PLA2G4E: variants seen among roughly 807,000 people sequenced by gnomAD.
PLA2G4E encodes phospholipase A2 group IVE, also known as cytosolic phospholipase A2 epsilon.
Under a neutral mutation model 109.1 loss-of-function variants are expected in PLA2G4E, and 84 were observed. The observed-to-expected ratio is 0.77, with a 90% confidence interval of 0.65 to 0.92. The LOEUF (loss-of-function observed/expected upper bound fraction) is 0.92. Ranked by LOEUF, PLA2G4E falls within the 40% of genes least tolerant of loss-of-function variation. The probability of loss-of-function intolerance (pLI) is 0.00; values close to 1 mark genes in which losing one functional copy is unlikely to be tolerated. For missense variants in PLA2G4E, 1,057 were observed against 1,076.6 expected (o/e 0.98, Z 0.25); for synonymous variants, 469 against 436.1 (o/e 1.08, Z -0.94).
intron 3 of PLA2G4E, 89 bp from the exon 4 acceptor site, chr15:42,006,210 G>A (rs2068475508): frequency 6.5e-7 from 1 of 1,536,746 alleles, no homozygotes; most frequent in Admixed American, 1.8e-5. Context: ...TCCTAGCAAG[G>A]AGGTAGGTCT....
chr15:42,005,567 T>A (rs959713477), intron 4 of PLA2G4E, among the ~76,000 whole-genome samples: 3 of 152,248 alleles, frequency 2.0e-5, no homozygotes, highest in Non-Finnish European at 4.4e-5. Flanking sequence ...CAGCTCTGAC[T>A]GTCTCTGATC....
intron 2 of PLA2G4E, among the ~76,000 whole-genome samples, chr15:42,012,814 G>A (rs1322339383): frequency 2.0e-5 from 3 of 152,192 alleles, no homozygotes; most frequent in South Asian, 2.1e-4. Context: ...CTAGCCTTTC[G>A]GGATCCCTGT....
In PLA2G4E at chr15:42,002,288, G is replaced by T. The variant is rs1029647362; in HGVS notation, c.609+366C>A. Among the ~76,000 whole-genome samples, 7 of 44,830 alleles carry T rather than the reference G, an allele frequency of 1.6e-4. No homozygotes were observed. The East Asian group carries it at 3.7e-3, about 24-fold the overall frequency. 29.4% of individuals were successfully genotyped at this position (44,830 alleles called of 152,430 possible). A position where few individuals can be genotyped will look rare whatever the true frequency, so the allele number is the denominator to read the frequency against. ...TCAAAAAAAAAAAAAAAAAAAAAAA[G>T]GTAAACTGTGCTTGTAGAATTACTG... On this transcript the variant is annotated intron_variant, in intron 6 of 19. Transcript: ENST00000399518.
At chr15:42,047,414 C>CACTTTTATAA (rs1407360251) in intron 1 of PLA2G4E, among the ~76,000 whole-genome samples, 1 of 152,036 alleles carries the variant, frequency 6.6e-6, no homozygotes, top group African/African-American at 2.4e-5. Flanking sequence ...CAACAGGGTG[C>CACTTTTATAA]AGAACTCACT....
rs562226145 is a variant in PLA2G4E at position 41,988,006 on chromosome 15, G to A, written c.1831+43C>T. The A allele has an allele frequency of 1.7e-4, 250 of 1,470,604 alleles. 1 individual carries two copies. In the South Asian group the frequency reaches 2.8e-3, roughly 17 times the overall value. 91.1% of individuals were successfully genotyped at this position (1,470,604 alleles called of 1,614,324 possible). On this transcript the variant is annotated intron_variant, in intron 16 of 19. Coordinates refer to ENST00000399518, the Ensembl canonical transcript of PLA2G4E. ...CACCCAGCCATGAGGGAAAGCCGGT[G>A]TCACCCATCACCCAGCCATGAGGGA... is the stretch of plus-strand genomic sequence containing the variant.
intron 17 of PLA2G4E, among the ~76,000 whole-genome samples, chr15:41,986,253 G>A (rs74010932): frequency 2.0e-5 from 3 of 152,330 alleles, no homozygotes; most frequent in African/African-American, 7.2e-5. Flanking sequence ...CATAAATAGT[G>A]TAAACCCTGG....
exon 19 of PLA2G4E, chr15:41,984,473 T>C (rs2068108171): frequency 6.2e-7 from 1 of 1,613,620 alleles, no homozygotes. Context: ...CATTGATGAG[T>C]GGGAAGAAAG....
chr15:41,998,889 C>G (rs553756234), intron 10 of PLA2G4E: 40 of 152,294 alleles, frequency 2.6e-4, no homozygotes, highest in African/African-American at 9.6e-4. Context: ...CCCGTCTCTA[C>G]TGAAAATACA....
chr15:42,047,507 C>G (rs1233408048), intron 1 of PLA2G4E, among the ~76,000 whole-genome samples: 1 of 152,192 alleles, frequency 6.6e-6, no homozygotes, highest in African/African-American at 2.4e-5. Flanking sequence ...GACCGAATCC[C>G]CTCCCAAATG....
chr15:41,990,888 C>T (rs951775882), intron 13 of PLA2G4E, among the ~76,000 whole-genome samples: 13 of 151,880 alleles, frequency 8.6e-5, no homozygotes, highest in East Asian at 1.9e-4. Context: ...CCACTGCAAA[C>T]GAGGCAGAAT....
exon 19 of PLA2G4E, chr15:41,984,525 T>C: frequency 6.2e-7 from 1 of 1,613,878 alleles, no homozygotes; most frequent in South Asian, 1.1e-5. Context: ...CTCCATCAGG[T>C]AGCATTCCTT....
At chr15:42,007,251 A>G (rs1479535466) in intron 3 of PLA2G4E, among the ~76,000 whole-genome samples, 1 of 152,216 alleles carries the variant, frequency 6.6e-6, no homozygotes, top group Non-Finnish European at 1.5e-5. Flanking sequence ...GAGTCATCAT[A>G]TATCTGAAGA....
At chr15:42,033,053 G>A (rs527532338) in intron 1 of PLA2G4E, among the ~76,000 whole-genome samples, 10 of 152,230 alleles carry the variant, frequency 6.6e-5, no homozygotes, top group African/African-American at 1.9e-4. Flanking sequence ...GTAAGTGTGC[G>A]AGTGTGTGTT....
chr15:42,006,863 A>G (rs1354383549), intron 3 of PLA2G4E, among the ~76,000 whole-genome samples: 1 of 152,180 alleles, frequency 6.6e-6, no homozygotes, highest in East Asian at 1.9e-4. Context: ...TGTAATTACT[A>G]GAAACACAGG....
intron 1 of PLA2G4E, among the ~76,000 whole-genome samples, chr15:42,030,722 CAAGT>C (rs1293927660): frequency 1.3e-5 from 2 of 152,198 alleles, no homozygotes; most frequent in Non-Finnish European, 2.9e-5. Context: ...CCCCTCAGCC[CAAGT>C]AACCACTCAT....
At chr15:42,035,221 A>G (rs1420191116) in intron 1 of PLA2G4E, among the ~76,000 whole-genome samples, 1 of 152,136 alleles carries the variant, frequency 6.6e-6, no homozygotes, top group African/African-American at 2.4e-5. Flanking sequence ...CCTCATTTCC[A>G]GGATTTGCTC....
chr15:41,999,391 C>A, intron 10 of PLA2G4E, 133 bp downstream of exon 10: 1 of 656,094 alleles, frequency 1.5e-6, no homozygotes, highest in Non-Finnish European at 2.7e-6. Context: ...AGATGATATG[C>A]CAGCCAGCCC....
intron 12 of PLA2G4E, 24 bp downstream of exon 12, chr15:41,995,336 A>C: frequency 1.2e-6 from 2 of 1,605,550 alleles, no homozygotes; most frequent in Non-Finnish European, 1.7e-6. Context: ...TGGGCTCCAC[A>C]GACAGTGGCT....
chr15:41,999,831 G>A lies in PLA2G4E; in HGVS notation c.936+86C>T, dbSNP rs78080054. ...ACCCTCACGAGTCACATTCTCTCTTGTACCTCCCCAGGCTCTCCCCACCTC... is the reference window on the plus strand; with the variant it reads ...ACCCTCACGAGTCACATTCTCTCTTATACCTCCCCAGGCTCTCCCCACCTC... On this transcript the variant is annotated intron_variant, in intron 9 of 19. Coordinates refer to ENST00000399518, the Ensembl canonical transcript of PLA2G4E. The A allele has an allele frequency of 1.5e-3, 2,166 of 1,397,420 alleles. 8 individuals carry two copies. Among genetic ancestry groups the A allele is most frequent in the African/African-American group, 0.015 (1,082 of 69,954 alleles). 86.6% of individuals were successfully genotyped at this position (1,397,420 alleles called of 1,614,324 possible).
Sources: gnomAD v4.1 joint callset for allele counts (sites outside exome capture counted in the v4.1 genomes callset) on GRCh38, gnomAD v4.1.1 for gene constraint, MANE v1.5 for transcripts, NCBI Gene and HGNC (gene_info 2026-07-23, HGNC 2026-07-21) for gene names.